The following THADA variants were observed in gnomAD, a reference collection of about 807,000 sequenced individuals.
THADA encodes the protein tRNA (32-2'-O)-methyltransferase regulator THADA.
THADA carries 213 observed loss-of-function variants against 219.8 expected under a neutral mutation model. That is an observed-to-expected ratio of 0.97 (90% CI 0.87 to 1.09). The LOEUF (loss-of-function observed/expected upper bound fraction) is 1.09. Ranked by LOEUF, THADA falls within the 50% of genes least tolerant of loss-of-function variation. THADA has a pLI of 0.00. For synonymous variants in THADA, 1,018 were observed against 828.9 expected, an observed-to-expected ratio of 1.23 and a Z score of -3.92; for missense variants, 2,956 against 2,311.3, an observed-to-expected ratio of 1.28 and a Z score of -5.72.
chr2:43,390,939 A>G (rs778603680), intron 29 of THADA, among the ~76,000 whole-genome samples: 9 of 152,230 alleles, frequency 5.9e-5, no homozygotes, highest in Non-Finnish European at 1.0e-4. Context: ...TCATCCAGAG[A>G]AGCAGTATAC....
intron 26 of THADA, among the ~76,000 whole-genome samples, chr2:43,438,621 TC>T: frequency 6.6e-6 from 1 of 152,142 alleles, no homozygotes; most frequent in Middle Eastern, 3.4e-3. Context: ...AGTATAGTAG[TC>T]CCCGTATGTG....
intron 26 of THADA, among the ~76,000 whole-genome samples, chr2:43,439,727 G>A (rs955759804): frequency 2.0e-5 from 3 of 152,154 alleles, no homozygotes; most frequent in African/African-American, 7.2e-5. Flanking sequence ...TGTATATACG[G>A]TTCAGCGTAT....
intron 29 of THADA, among the ~76,000 whole-genome samples, chr2:43,383,397 G>A (rs1434534599): frequency 6.6e-6 from 1 of 152,116 alleles, no homozygotes; most frequent in Non-Finnish European, 1.5e-5. Context: ...CTATATATGA[G>A]TTACAGTATT....
At chr2:43,297,773 G>T (rs1363098032) in intron 31 of THADA, among the ~76,000 whole-genome samples, 2 of 117,548 alleles carry the variant, frequency 1.7e-5, no homozygotes, top group South Asian at 2.7e-4. Context: ...GGAGGGAGGT[G>T]GGGGGGTCGG....
At chr2:43,489,874 C>CAAAAAAAAAAAAAAAAAAAAAAAAAAAAA (rs201735523) in intron 25 of THADA, among the ~76,000 whole-genome samples, 19 of 56,060 alleles carry the variant, frequency 3.4e-4, no homozygotes, top group African/African-American at 8.7e-4. Context: ...TTAAGATCTG[C>CAAAAAAAAAAAAAAAAAAAAAAAAAAAAA]AAAAAAAAAA....
At position 43,283,370 on chromosome 2, in the gene THADA, G is replaced by T. The variant is rs191711731; in HGVS notation, c.5165-3474C>A. Among the ~76,000 whole-genome samples the T allele has an allele frequency of 4.4e-4, 67 of 152,358 alleles. 2 individuals are homozygous for T. Among genetic ancestry groups the T allele is most frequent in the Middle Eastern group, 3.4e-3 (1 of 294 alleles). On this transcript the variant is annotated intron_variant, in intron 35 of 37. Coordinates refer to ENST00000405975, the MANE Select transcript of THADA (RefSeq NM_022065.5). ...GACATTTCCACCTGAAAATGTGGAAGCAACTTTGGAACCGGGTAATGGGCA... is the reference window on the plus strand; with the variant it reads ...GACATTTCCACCTGAAAATGTGGAATCAACTTTGGAACCGGGTAATGGGCA...
intron 7 of THADA, among the ~76,000 whole-genome samples, chr2:43,584,726 C>T (rs553247965): frequency 6.6e-6 from 1 of 152,252 alleles, no homozygotes; most frequent in African/African-American, 2.4e-5. Context: ...GGGAACAAGC[C>T]CAGAAGCCAT....
At chr2:43,544,934 G>C (rs903271428) in intron 20 of THADA, among the ~76,000 whole-genome samples, 2 of 150,952 alleles carry the variant, frequency 1.3e-5, no homozygotes, top group African/African-American at 4.9e-5. Flanking sequence ...TGGTGAGAGA[G>C]GGCATCCCTG....
At chr2:43,313,750 T>C (rs1677767967) in intron 31 of THADA, among the ~76,000 whole-genome samples, 1 of 152,202 alleles carries the variant, frequency 6.6e-6, no homozygotes, top group African/African-American at 2.4e-5. Context: ...GCCTGGGCAT[T>C]CTGCAGCAGG....
intron 29 of THADA, among the ~76,000 whole-genome samples, chr2:43,344,908 A>G (rs10172375): frequency 0.25 from 38,531 of 152,158 alleles, 5,793 homozygotes; most frequent in African/African-American, 0.42. Context: ...ACATCCGCAA[A>G]GCCTCTGTGA....
At chr2:43,502,009 A>C (rs2105072650) in intron 24 of THADA, among the ~76,000 whole-genome samples, 1 of 152,308 alleles carries the variant, frequency 6.6e-6, no homozygotes, top group East Asian at 1.9e-4. Flanking sequence ...ACAGCACAGA[A>C]ACAGAACCAC....
At chr2:43,235,513 G>A (rs571486309) in intron 36 of THADA, among the ~76,000 whole-genome samples, 3 of 151,986 alleles carry the variant, frequency 2.0e-5, no homozygotes, top group Admixed American at 6.5e-5. Flanking sequence ...GGCTGATCTC[G>A]AACTCCTGAC....
At chr2:43,456,214 T>G (rs149900208) in intron 26 of THADA, among the ~76,000 whole-genome samples, 17 of 152,260 alleles carry the variant, frequency 1.1e-4, no homozygotes, top group African/African-American at 3.9e-4. Context: ...ACATTAAAAG[T>G]TTAAAAAAAG....
At chr2:43,311,542 G>C (rs548576041) in intron 31 of THADA, among the ~76,000 whole-genome samples, 12 of 152,276 alleles carry the variant, frequency 7.9e-5, no homozygotes, top group Non-Finnish European at 1.3e-4. Flanking sequence ...TGAAAACACA[G>C]GTCCCAGCAA....
chr2:43,512,416 T>C (rs1363774107), intron 22 of THADA, among the ~76,000 whole-genome samples: 1 of 152,224 alleles, frequency 6.6e-6, no homozygotes, highest in Non-Finnish European at 1.5e-5. Context: ...GGTCCAATAA[T>C]GGAACTTCCA....
intron 31 of THADA, among the ~76,000 whole-genome samples, chr2:43,318,252 G>C (rs1297971466): frequency 2.0e-5 from 3 of 151,754 alleles, no homozygotes; most frequent in Non-Finnish European, 2.9e-5. Context: ...ATGCTGCCAG[G>C]CTGGTCTCAA....
chr2:43,243,443 C>T (rs1668815946), intron 36 of THADA, among the ~76,000 whole-genome samples: 1 of 152,160 alleles, frequency 6.6e-6, no homozygotes, highest in South Asian at 2.1e-4. Flanking sequence ...GATGAGAAGC[C>T]CTGCTGTAGG....
intron 26 of THADA, among the ~76,000 whole-genome samples, chr2:43,445,360 A>C (rs7609256): frequency 0.11 from 16,948 of 152,244 alleles, 1,088 homozygotes; most frequent in African/African-American, 0.16. Context: ...GAATCCTCTC[A>C]GATTCTGTTC....
At chr2:43,336,966 G>C (rs1157820564) in intron 30 of THADA, among the ~76,000 whole-genome samples, 1 of 152,228 alleles carries the variant, frequency 6.6e-6, no homozygotes, top group Non-Finnish European at 1.5e-5. Context: ...GGGAATTTGA[G>C]CCTGGTGGTG....
Sources: allele counts gnomAD v4.1 joint callset (sites outside exome capture counted in the v4.1 genomes callset), GRCh38; gene constraint gnomAD v4.1.1; transcripts MANE v1.5; gene names NCBI Gene and HGNC (gene_info 2026-07-23, HGNC 2026-07-21).